Variants in SLC4A4 observed in about 807,000 individuals in gnomAD.
The protein encoded by SLC4A4 is solute carrier family 4 member 4.
SLC4A4 carries 27 observed loss-of-function variants against 111.5 expected under a neutral mutation model. That is an observed-to-expected ratio of 0.24 (90% confidence interval 0.18 to 0.33). The LOEUF is 0.33. Ranked by LOEUF, SLC4A4 falls within the 10% of genes least tolerant of loss-of-function variation. The pLI is 1.00. For synonymous variants in SLC4A4, 443 were observed against 463.4 expected, an observed-to-expected ratio of 0.96 and a Z score of 0.57; for missense variants, 909 against 1,315.5, an observed-to-expected ratio of 0.69 and a Z score of 4.78.
At chr4:71,172,756 C>T (rs1319029703) in intron 2 of SLC4A4, among the ~76,000 whole-genome samples, 1 of 152,156 alleles carries the variant, frequency 6.6e-6, no homozygotes, top group East Asian at 1.9e-4. Context: ...GCATCAGGCT[C>T]AGTGCCTAGA....
intron 2 of SLC4A4, among the ~76,000 whole-genome samples, chr4:71,177,382 G>A (rs1251366257): frequency 3.9e-5 from 6 of 152,120 alleles, no homozygotes; most frequent in African/African-American, 1.4e-4. Context: ...ACACAGACTG[G>A]CAAATTGGAT....
chr4:71,471,601 T>C (rs1001302508), intron 13 of SLC4A4, among the ~76,000 whole-genome samples: 1 of 152,000 alleles, frequency 6.6e-6, no homozygotes, highest in Non-Finnish European at 1.5e-5. Context: ...TTATTTCTTA[T>C]TCTCATGCAA....
chr4:71,209,089 T>C (rs1717971156), intron 1 of SLC4A4, among the ~76,000 whole-genome samples: 1 of 152,210 alleles, frequency 6.6e-6, no homozygotes, highest in South Asian at 2.1e-4. Flanking sequence ...CCTTTGTAGT[T>C]TATTCTGCAT....
intron 12 of SLC4A4, among the ~76,000 whole-genome samples, chr4:71,462,379 A>C (rs1726910807): frequency 6.6e-6 from 1 of 151,484 alleles, no homozygotes; most frequent in Non-Finnish European, 1.5e-5. Context: ...GCCACCTGGA[A>C]GAGACCTTAG....
intron 1 of SLC4A4, among the ~76,000 whole-genome samples, chr4:71,212,035 A>C (rs1389626419): frequency 1.3e-5 from 2 of 152,182 alleles, no homozygotes; most frequent in Admixed American, 6.5e-5. Context: ...AGGATGTCTC[A>C]CTGGTTGTGT....
intron 3 of SLC4A4, chr4:71,300,527 C>A (rs769075809): frequency 4.0e-6 from 1 of 247,492 alleles, no homozygotes; most frequent in Non-Finnish European, 8.3e-6. Context: ...GGGCCACTAG[C>A]GGCATGCAGA....
intron 1 of SLC4A4, among the ~76,000 whole-genome samples, chr4:71,234,929 G>A (rs1164494499): frequency 6.6e-6 from 1 of 152,170 alleles, no homozygotes; most frequent in East Asian, 1.9e-4. Flanking sequence ...GTTTCTTAAT[G>A]CTATTGTCCA....
intron 2 of SLC4A4, among the ~76,000 whole-genome samples, chr4:71,172,984 A>G (rs1744985173): frequency 6.6e-6 from 1 of 152,212 alleles, no homozygotes; most frequent in African/African-American, 2.4e-5. Context: ...GTTTTTCTAT[A>G]TAGTACATTA....
At chr4:71,175,033 T>G (rs192476393) in intron 2 of SLC4A4, among the ~76,000 whole-genome samples, 1 of 152,372 alleles carries the variant, frequency 6.6e-6, no homozygotes, top group East Asian at 1.9e-4. Context: ...CAGTAGCCAC[T>G]GTGTCATAGT....
chr4:71,113,023 C>G (rs1743137013), intron 2 of SLC4A4, among the ~76,000 whole-genome samples: 1 of 152,072 alleles, frequency 6.6e-6, no homozygotes, highest in Admixed American at 6.6e-5. Context: ...AGATTGAGAT[C>G]CTGAAGTAAG....
chr4:71,358,597 T>C (rs1411172406), intron 6 of SLC4A4, among the ~76,000 whole-genome samples: 1 of 152,152 alleles, frequency 6.6e-6, no homozygotes, highest in East Asian at 1.9e-4. Context: ...TTAACAAAAA[T>C]CACAAAAGAG....
At chr4:71,249,883 CA>C (rs3039037) in intron 2 of SLC4A4, among the ~76,000 whole-genome samples, 3,918 of 143,676 alleles carry the variant, frequency 0.027, 153 homozygotes, top group African/African-American at 0.089. Context: ...GACTCTGTCT[CA>C]AAAAAAAAAA....
At chr4:71,189,660 A>T (rs1463234598) in intron 1 of SLC4A4, among the ~76,000 whole-genome samples, 2 of 152,242 alleles carry the variant, frequency 1.3e-5, no homozygotes, top group Non-Finnish European at 1.5e-5. Context: ...CTGGTGAATC[A>T]TGTAAATAAA....
intron 3 of SLC4A4, among the ~76,000 whole-genome samples, chr4:71,282,091 G>C (rs1430869477): frequency 2.0e-5 from 3 of 152,026 alleles, no homozygotes; most frequent in Admixed American, 2.0e-4. Flanking sequence ...AAAAAACCTT[G>C]AGAAGTTTGG....
At chr4:71,539,835 T>C (rs1312259993) in intron 18 of SLC4A4, among the ~76,000 whole-genome samples, 2 of 152,166 alleles carry the variant, frequency 1.3e-5, no homozygotes, top group African/African-American at 2.4e-5. Context: ...GTAGACTCAA[T>C]AAATACATGT....
upstream of SLC4A4, among the ~76,000 whole-genome samples, chr4:71,183,465 T>G: frequency 6.6e-6 from 1 of 152,188 alleles, no homozygotes; most frequent in East Asian, 1.9e-4. Context: ...GAAGAGAATG[T>G]TAATTATAAA....
At position 71,145,455 on chromosome 4, in the gene SLC4A4, A is replaced by G. The variant is rs13140849; in HGVS notation, c.-2+52663A>G. Among the ~76,000 whole-genome samples, 1,337 of 152,214 alleles carry G rather than the reference A, an allele frequency of 8.8e-3. 7 individuals are homozygous for G. Among genetic ancestry groups the G allele is most frequent in the Middle Eastern group, 0.017 (5 of 294 alleles). On this transcript the variant is annotated intron_variant, in intron 2 of 26. Coordinates refer to the SLC4A4 transcript ENST00000649996. ...AGGCTTTGGTATCAGGATGATGCTG[A>G]CCTCATAAAATGAGTTAGGGAGGAT...
At chr4:71,218,793 A>G (rs1458045163) in intron 1 of SLC4A4, among the ~76,000 whole-genome samples, 1 of 152,086 alleles carries the variant, frequency 6.6e-6, no homozygotes. Flanking sequence ...ATTATATTAA[A>G]TTTTATTATT....
chr4:71,191,756 T>C (rs1745742688), intron 1 of SLC4A4, among the ~76,000 whole-genome samples: 1 of 152,220 alleles, frequency 6.6e-6, no homozygotes, highest in South Asian at 2.1e-4. Context: ...TTGTTTTTCA[T>C]GTAGAATGAA....
Sources: allele counts gnomAD v4.1 joint callset (sites outside exome capture counted in the v4.1 genomes callset), GRCh38; gene constraint gnomAD v4.1.1; transcripts MANE v1.5; gene names NCBI Gene and HGNC (gene_info 2026-07-23, HGNC 2026-07-21).